The following RAB38 variants were observed in gnomAD, a reference collection of about 807,000 sequenced individuals.
The protein encoded by RAB38 is ras-related protein Rab-38.
A neutral mutation model predicts 18.4 loss-of-function variants in RAB38; 15 were observed. The observed-to-expected ratio is 0.82, with a 90% CI of 0.55 to 1.26. RAB38 has a LOEUF of 1.26. RAB38 is among the 50% of genes most tolerant of loss of function. RAB38 has a pLI of 0.00. For synonymous variants in RAB38, 101 were observed against 104.4 expected, an observed-to-expected ratio of 0.97 and a Z score of 0.20; for missense variants, 294 against 267.4, an observed-to-expected ratio of 1.10 and a Z score of -0.69.
chr11:87,962,469 T>G, the RAB38 span, among the ~76,000 whole-genome samples: 1 of 150,056 alleles, frequency 6.7e-6, no homozygotes, highest in Non-Finnish European at 1.5e-5. Flanking sequence ...AGGCAAGGAG[T>G]GGAGTGGTGG....
chr11:88,099,648 T>G, the RAB38 span, among the ~76,000 whole-genome samples: 4 of 151,736 alleles, frequency 2.6e-5, no homozygotes, highest in East Asian at 5.8e-4. Context: ...CTCATGGGAG[T>G]CTAGTGTGTA....
the RAB38 span, among the ~76,000 whole-genome samples, chr11:87,811,601 C>T: frequency 1.3e-5 from 2 of 152,116 alleles, no homozygotes; most frequent in Non-Finnish European, 2.9e-5. Context: ...TAGAATCTTT[C>T]AGGGGCTGCT....
rs35525506 is a variant in RAB38 at position 88,150,267 on chromosome 11, C to A, written c.203-312G>T. ...TTAAATTAAATGAACAAAAACTAAA[C>A]AAAATTTTTAATTCAAGTATTCTGT... is the stretch of plus-strand genomic sequence containing the variant. On this transcript the variant is annotated intron_variant, in intron 1 of 2. Transcript: ENST00000243662. Among the ~76,000 whole-genome samples, 1,011 of 152,242 alleles carry A rather than the reference C, an allele frequency of 6.6e-3. 9 individuals carry two copies. Among genetic ancestry groups the A allele is most frequent in the Non-Finnish European group, 0.011 (757 of 67,992 alleles).
At chr11:87,924,252 G>A in the RAB38 span, among the ~76,000 whole-genome samples, 2 of 152,108 alleles carry the variant, frequency 1.3e-5, no homozygotes, top group Admixed American at 1.3e-4. Flanking sequence ...ACATGCCTTG[G>A]AAGTCGGTAA....
At chr11:88,115,728 T>C (rs1271178670) in intron 2 of RAB38, 1 of 152,232 alleles carries the variant, frequency 6.6e-6, no homozygotes, top group Admixed American at 6.5e-5. Flanking sequence ...AGCTATAAAA[T>C]GGTCTTGATG....
chr11:87,972,226 T>C, the RAB38 span, among the ~76,000 whole-genome samples: 1 of 152,040 alleles, frequency 6.6e-6, no homozygotes, highest in African/African-American at 2.4e-5. Flanking sequence ...TTAGCCCACA[T>C]AGCAAGGTGA....
the RAB38 span, among the ~76,000 whole-genome samples, chr11:88,076,972 A>AAAAAG: frequency 9.1e-5 from 7 of 77,222 alleles, no homozygotes; most frequent in African/African-American, 4.1e-4. Context: ...AAAAAAAAAA[A>AAAAAG]AAAGAAAGAA....
intron 1 of RAB38, among the ~76,000 whole-genome samples, chr11:88,163,397 T>G (rs1943210002): frequency 6.6e-6 from 1 of 152,156 alleles, no homozygotes; most frequent in Non-Finnish European, 1.5e-5. Flanking sequence ...TCATTTACTT[T>G]TATGCCTACT....
In RAB38 at chr11:88,175,431, C is replaced by T. The variant is rs375828965; in HGVS notation, c.-47G>A. 1 of 1,409,606 alleles carries T rather than the reference C, an allele frequency of 7.1e-7. No individual in the cohort carries two copies. The highest frequency in any genetic ancestry group is 9.5e-7 in the Non-Finnish European group (1 of 1,048,360). The allele number at this position is 1,409,606 out of a possible 1,614,324, so 87.3% of individuals were successfully genotyped here. A position where few individuals can be genotyped will look rare whatever the true frequency, so the allele number is the denominator to read the frequency against. ...CCGTGCCTGACCAGGGAAGCGCAGCCTGGGCTCTGCGCACGAGAGAGACTT... is the reference window on the plus strand; with the variant it reads ...CCGTGCCTGACCAGGGAAGCGCAGCTTGGGCTCTGCGCACGAGAGAGACTT... On this transcript the variant is annotated 5_prime_UTR_variant, in exon 1 of 3. Transcript: ENST00000243662.
the RAB38 span, among the ~76,000 whole-genome samples, chr11:87,918,639 A>AT: frequency 6.6e-6 from 1 of 151,946 alleles, no homozygotes; most frequent in Admixed American, 6.6e-5. Context: ...ACTGGTGATC[A>AT]TTTTTTTCCA....
chr11:87,939,721 A>G, the RAB38 span, among the ~76,000 whole-genome samples: 1 of 151,970 alleles, frequency 6.6e-6, no homozygotes, highest in Non-Finnish European at 1.5e-5. Flanking sequence ...AAGAAAAGAA[A>G]AAAAGAAAAG....
the RAB38 span, among the ~76,000 whole-genome samples, chr11:87,852,145 T>C: frequency 6.6e-6 from 1 of 152,116 alleles, no homozygotes; most frequent in Non-Finnish European, 1.5e-5. Context: ...GAGACAAGGA[T>C]ATTCCTTTCC....
At chr11:87,931,674 T>G in the RAB38 span, among the ~76,000 whole-genome samples, 1 of 152,134 alleles carries the variant, frequency 6.6e-6, no homozygotes, top group Non-Finnish European at 1.5e-5. Context: ...TATCAGTTCC[T>G]TCTGTTAGCT....
the RAB38 span, among the ~76,000 whole-genome samples, chr11:87,845,537 T>A: frequency 2.6e-5 from 4 of 151,946 alleles, no homozygotes; most frequent in Non-Finnish European, 5.9e-5. Context: ...CAGCCTCTGG[T>A]ACGTAGGGGA....
chr11:88,043,684 C>A, the RAB38 span, among the ~76,000 whole-genome samples: 1 of 151,062 alleles, frequency 6.6e-6, no homozygotes, highest in Non-Finnish European at 1.5e-5. Flanking sequence ...AATGTCCCCA[C>A]CCCATCTCCC....
chr11:87,821,314 T>C, the RAB38 span, among the ~76,000 whole-genome samples: 1 of 152,200 alleles, frequency 6.6e-6, no homozygotes, highest in South Asian at 2.1e-4. Context: ...ATATGTTCAA[T>C]GTATTGAGAG....
At position 88,113,759 on chromosome 11, in the gene RAB38, G is replaced by T. The variant is rs1467440114; in HGVS notation, c.*229C>A. 1.9e-6 allele frequency: 1 copy of T among 533,888 alleles called. No homozygotes were observed. Among genetic ancestry groups the T allele is most frequent in the Non-Finnish European group, 3.2e-6 (1 of 310,516 alleles). 33.1% of individuals were successfully genotyped at this position (533,888 alleles called of 1,614,324 possible). ...GATTTTGGTCAGCTACATGACAGAA[G>T]TTTGTAACAGACTAAATATTTTCAA... On this transcript the variant is annotated 3_prime_UTR_variant, in exon 3 of 3. Transcript: ENST00000243662.
At chr11:88,004,252 A>G in the RAB38 span, among the ~76,000 whole-genome samples, 1 of 150,194 alleles carries the variant, frequency 6.7e-6, no homozygotes, top group African/African-American at 2.4e-5. Flanking sequence ...TTAAAACAGC[A>G]AATTGATTAC....
At chr11:88,118,458 A>G (rs1388530045) in intron 2 of RAB38, among the ~76,000 whole-genome samples, 3 of 152,240 alleles carry the variant, frequency 2.0e-5, no homozygotes, top group African/African-American at 7.2e-5. Flanking sequence ...AATATAATTG[A>G]TTGAGCTAGT....
Sources: allele counts gnomAD v4.1 joint callset (sites outside exome capture counted in the v4.1 genomes callset), GRCh38; gene constraint gnomAD v4.1.1; transcripts MANE v1.5; gene names NCBI Gene and HGNC (gene_info 2026-07-23, HGNC 2026-07-21).